The following CUL3 variants were observed in gnomAD, a reference collection of about 807,000 sequenced individuals.
CUL3 encodes the protein cullin-3.
In CUL3, 19 loss-of-function variants were observed where a neutral mutation model predicts 89.1. The ratio of observed to expected loss-of-function variants is 0.21; its 90% CI spans 0.15 to 0.31. The LOEUF (loss-of-function observed/expected upper bound fraction) is 0.31. CUL3 is among the 10% of genes least tolerant of loss of function. The pLI, the probability that CUL3 is intolerant of heterozygous loss-of-function variation, is 1.00. For missense variants in CUL3, 469 were observed against 942.3 expected (o/e 0.50, Z 6.58); for synonymous variants, 351 against 308.4 (o/e 1.14, Z -1.45).
At chr2:224,506,161 C>T (rs1574638345) in intron 7 of CUL3, 29 bp from the exon 8 acceptor site, 3 of 1,458,368 alleles carry the variant, frequency 2.1e-6, no homozygotes, top group Non-Finnish European at 2.7e-6. Flanking sequence ...ATTTAGGACA[C>T]ATTATAATAA....
At chr2:224,510,525 T>C (rs1209554923) in intron 6 of CUL3, among the ~76,000 whole-genome samples, 5 of 152,228 alleles carry the variant, frequency 3.3e-5, no homozygotes, top group East Asian at 1.9e-4. Flanking sequence ...ACAGGCAATA[T>C]GTATTTCTTT....
intron 3 of CUL3, among the ~76,000 whole-genome samples, chr2:224,530,232 C>G (rs143658579): frequency 1.2e-4 from 18 of 152,036 alleles, no homozygotes. Flanking sequence ...GAGTGAGACT[C>G]CGTCTCAAAA....
At chr2:224,511,215 G>C (rs988310407) in intron 6 of CUL3, 139 bp downstream of exon 6, 1 of 591,806 alleles carries the variant, frequency 1.7e-6, no homozygotes, top group African/African-American at 1.9e-5. Context: ...TCCCATTAAA[G>C]TTAACAATGG....
At chr2:224,490,736 C>T (rs1318095110) in intron 13 of CUL3, among the ~76,000 whole-genome samples, 2 of 151,502 alleles carry the variant, frequency 1.3e-5, no homozygotes, top group Non-Finnish European at 2.9e-5. Flanking sequence ...ACATTTATCA[C>T]ATCCCAGACA....
intron 2 of CUL3, among the ~76,000 whole-genome samples, chr2:224,552,753 G>A (rs758905727): frequency 5.3e-5 from 8 of 152,172 alleles, no homozygotes; most frequent in Non-Finnish European, 1.2e-4. Context: ...GTATACCATA[G>A]CACTAAAAGC....
chr2:224,521,406 G>C (rs994038468), intron 3 of CUL3, among the ~76,000 whole-genome samples: 3 of 151,442 alleles, frequency 2.0e-5, no homozygotes, highest in Admixed American at 2.0e-4. Context: ...TAACATGTTT[G>C]CTTTAAAGTC....
Position 224,532,843 on chromosome 2 carries a change from T to C in CUL3, c.378+2685A>G, listed in dbSNP as rs180967805. 5.9e-5 allele frequency: 9 copies of C among 152,160 alleles called. No individual in the cohort carries two copies. In the East Asian group the frequency reaches 1.5e-3, roughly 26 times the overall value. The allele number at this position is 152,160 out of a possible 1,614,324, so 9.4% of individuals were successfully genotyped here. ...GACAAGGTAGAAAGGGATTGACCCA[T>C]AGCACAGGTTGAGATGTGGCCTGAC... is the stretch of plus-strand genomic sequence containing the variant. On this transcript the variant is annotated intron_variant, in intron 3 of 15. Transcript: ENST00000264414.
chr2:224,583,918 A>C (rs1157733499), intron 1 of CUL3, among the ~76,000 whole-genome samples: 2 of 152,232 alleles, frequency 1.3e-5, no homozygotes, highest in Non-Finnish European at 2.9e-5. Flanking sequence ...AGGGAAGACC[A>C]AGATCTTTCT....
Position 224,474,395 on chromosome 2 carries a change from A to T in CUL3, c.2176-19T>A. The T allele has an allele frequency of 1.2e-6, 2 of 1,607,768 alleles. No homozygotes were observed. Among genetic ancestry groups the T allele is most frequent in the Non-Finnish European group, 1.7e-6 (2 of 1,176,342 alleles). On this transcript the variant is annotated intron_variant, in intron 15 of 15. Coordinates refer to ENST00000264414, the MANE Select transcript of CUL3 (RefSeq NM_003590.5). ...GAGTTACCTAAAAAAGAAAGTAGAT[A>T]GTATTTTTATATAAACACATAAAAA...
chr2:224,567,832 A>C (rs1395343090), intron 1 of CUL3, among the ~76,000 whole-genome samples: 1 of 152,172 alleles, frequency 6.6e-6, no homozygotes, highest in East Asian at 1.9e-4. Context: ...TCAAAATCAC[A>C]ATCAAAATAA....
chr2:224,562,026 T>A (rs1327031311), intron 1 of CUL3, among the ~76,000 whole-genome samples: 2 of 152,228 alleles, frequency 1.3e-5, no homozygotes, highest in African/African-American at 2.4e-5. Flanking sequence ...ACAGGCTCTA[T>A]AACCTAAGAT....
intron 5 of CUL3, among the ~76,000 whole-genome samples, chr2:224,512,345 C>A (rs1241075864): frequency 6.6e-6 from 1 of 152,180 alleles, no homozygotes; most frequent in South Asian, 2.1e-4. Context: ...ATCCACTCGT[C>A]TCAGCCTCCC....
At position 224,503,797 on chromosome 2, in the gene CUL3, A is replaced by ATT; in HGVS notation, c.1230_1231dup (p.Ile411LysfsTer45). 1 of 1,576,412 alleles carries ATT rather than the reference A, an allele frequency of 6.3e-7. No homozygotes were observed. On this transcript the variant is annotated frameshift_variant, in exon 9 of 16. Coordinates refer to ENST00000264414, the MANE Select transcript of CUL3 (RefSeq NM_003590.5). LOFTEE classifies it high-confidence loss of function. ...AAAAAGGACCATTGCTTTATCCAAT[A>ATT]TTGTTTCTACTTCTTGTTCTGTTAG...
intron 1 of CUL3, among the ~76,000 whole-genome samples, chr2:224,575,353 T>C (rs1038780550): frequency 2.6e-5 from 4 of 152,132 alleles, no homozygotes; most frequent in African/African-American, 9.7e-5. Context: ...CTTGCAATTT[T>C]CTCCAGGAGT....
intron 2 of CUL3, among the ~76,000 whole-genome samples, chr2:224,541,875 A>C (rs1279876252): frequency 6.6e-6 from 1 of 152,178 alleles, no homozygotes; most frequent in Non-Finnish European, 1.5e-5. Flanking sequence ...AAGATAGCAG[A>C]TCAGTGGTTG....
At chr2:224,561,087 A>C in intron 1 of CUL3, among the ~76,000 whole-genome samples, 1 of 152,052 alleles carries the variant, frequency 6.6e-6, no homozygotes, top group East Asian at 1.9e-4. Context: ...GCCTCACCTC[A>C]CTACTGATCC....
intron 11 of CUL3, among the ~76,000 whole-genome samples, chr2:224,498,548 T>A (rs1207525721): frequency 1.3e-5 from 2 of 152,184 alleles, no homozygotes; most frequent in Non-Finnish European, 2.9e-5. Context: ...AACCCAACAT[T>A]TCTGTGAACT....
Position 224,535,514 on chromosome 2 carries a change from A to C in CUL3, c.378+14T>G. The C allele has an allele frequency of 6.7e-7, 1 of 1,503,716 alleles. No individual in the cohort carries two copies. Among genetic ancestry groups the C allele is most frequent in the Non-Finnish European group, 9.0e-7 (1 of 1,111,746 alleles). 93.1% of individuals were successfully genotyped at this position (1,503,716 alleles called of 1,614,324 possible). A position where few individuals can be genotyped will look rare whatever the true frequency, so the allele number is the denominator to read the frequency against. ...CTGCTTAAAGGAAGAAAACATTTAA[A>C]AAGCTCTACTTACCATGTACATTAG... On this transcript the variant is annotated intron_variant, in intron 3 of 15. Transcript: ENST00000264414.
chr2:224,477,439 C>G (rs1214684606), intron 15 of CUL3, among the ~76,000 whole-genome samples: 1 of 152,218 alleles, frequency 6.6e-6, no homozygotes, highest in Admixed American at 6.5e-5. Context: ...TAACACTGAG[C>G]AATTTAATCC....
Sources: gnomAD v4.1 joint callset for allele counts (sites outside exome capture counted in the v4.1 genomes callset) on GRCh38, gnomAD v4.1.1 for gene constraint, MANE v1.5 for transcripts, NCBI Gene and HGNC (gene_info 2026-07-23, HGNC 2026-07-21) for gene names.